Variants in ADA observed in about 807,000 individuals in gnomAD.
The protein encoded by ADA is adenosine aminohydrolase.
A neutral mutation model predicts 49.0 loss-of-function variants in ADA; 45 were observed. The observed-to-expected ratio is 0.92, with a 90% CI of 0.72 to 1.18. ADA has a LOEUF of 1.18. Ranked by LOEUF, ADA falls within the 50% of genes most tolerant of loss-of-function variation. ADA has a pLI of 0.00. For synonymous variants in ADA, 173 were observed against 184.2 expected, an observed-to-expected ratio of 0.94 and a Z score of 0.49; for missense variants, 445 against 472.5, an observed-to-expected ratio of 0.94 and a Z score of 0.54.
intron 1 of ADA, among the ~76,000 whole-genome samples, chr20:44,642,527 T>C (rs994647456): frequency 2.0e-5 from 3 of 152,122 alleles, no homozygotes; most frequent in African/African-American, 7.2e-5. Context: ...GCTTAGTGTC[T>C]GAATCAGGAA....
rs757628030 is a variant in ADA at position 44,636,307 on chromosome 20, A to AAG, written c.34-21_34-20dup. 1.3e-6 allele frequency: 2 copies of AAG among 1,567,566 alleles called. No homozygotes were observed. The highest frequency in any genetic ancestry group is 1.1e-5 in the South Asian group (1 of 87,696). ...GTTCCACCTGCAAGGGGGCAGGGGG[A>AAG]AGAGAGAGAGAAAGGGAGAGAGAGA... On this transcript the variant is annotated intron_variant, in intron 1 of 11. Transcript: ENST00000372874.
intron 1 of ADA, among the ~76,000 whole-genome samples, chr20:44,649,699 A>G (rs1049983606): frequency 2.0e-5 from 3 of 150,104 alleles, no homozygotes; most frequent in African/African-American, 4.9e-5. Flanking sequence ...TGTTCTCTCC[A>G]TAACTCCCAA....
intron 2 of ADA, among the ~76,000 whole-genome samples, chr20:44,634,203 C>T (rs1011495423): frequency 4.8e-4 from 73 of 152,354 alleles, no homozygotes; most frequent in Admixed American, 4.6e-3. Context: ...TCTTGGTGCC[C>T]CACTGAACGA....
Position 44,622,950 on chromosome 20 carries a change from A to G in ADA, c.679-20T>C. 1 of 1,614,208 alleles carries G rather than the reference A, an allele frequency of 6.2e-7. No homozygotes were observed. Among genetic ancestry groups the G allele is most frequent in the South Asian group, 1.1e-5 (1 of 91,088 alleles). ...CACAGCCTGTAGAGAAGCAGAATAG[A>G]GCCAAGTATGGGAGGAGGCAGTGAG... On this transcript the variant is annotated intron_variant, in intron 7 of 11. Transcript: ENST00000372874.
intron 6 of ADA, 176 bp downstream of exon 6, chr20:44,624,026 A>G (rs1251924274): frequency 3.4e-6 from 3 of 881,704 alleles, no homozygotes; most frequent in Non-Finnish European, 5.2e-6. Flanking sequence ...GATCACAGGC[A>G]TGAACCACCA....
chr20:44,647,116 G>A (rs1600950090), intron 1 of ADA, among the ~76,000 whole-genome samples: 1 of 152,086 alleles, frequency 6.6e-6, no homozygotes, highest in African/African-American at 2.4e-5. Context: ...ATTCCCCTCT[G>A]CATCAGAGAG....
intron 1 of ADA, among the ~76,000 whole-genome samples, chr20:44,650,194 G>C (rs1175001256): frequency 2.0e-5 from 3 of 152,196 alleles, no homozygotes; most frequent in African/African-American, 7.2e-5. Flanking sequence ...GGCAGGGGTG[G>C]GGGTAGGAGG....
At chr20:44,645,916 TA>T (rs1453993393) in intron 1 of ADA, among the ~76,000 whole-genome samples, 1 of 152,150 alleles carries the variant, frequency 6.6e-6, no homozygotes, top group Non-Finnish European at 1.5e-5. Context: ...GTGCAGAGGT[TA>T]TCCCCCACAA....
chr20:44,648,244 G>T (rs764966148), intron 1 of ADA, among the ~76,000 whole-genome samples: 1 of 152,050 alleles, frequency 6.6e-6, no homozygotes, highest in African/African-American at 2.4e-5. Context: ...TGCCCAGCAG[G>T]TGCTAAGTCA....
rs1321058509 is a variant in ADA at position 44,636,258 on chromosome 20, T to A, written c.64A>T (p.Ile22Phe). 1 of 1,610,236 alleles carries A rather than the reference T, an allele frequency of 6.2e-7. No individual in the cohort carries two copies. ...VELHVHLDGS[I>F]KPETILYYGR... ...TAGTATAAGATGGTTTCAGGCTTGA[T>A]GGATCCGTCTAGGTGGACATGCAGT... The change falls in exon 2 of 12, where the codon ATC becomes TTC. Residue 22 changes from isoleucine to phenylalanine, a missense_variant. Coordinates refer to ENST00000372874, the MANE Select transcript of ADA (RefSeq NM_000022.4).
intron 2 of ADA, among the ~76,000 whole-genome samples, chr20:44,635,155 G>A (rs1018418770): frequency 2.0e-5 from 3 of 152,206 alleles, no homozygotes; most frequent in Non-Finnish European, 4.4e-5. Flanking sequence ...CCTAAGAGAG[G>A]AGCTGCTGTG....
rs1276062920 is a variant in ADA at position 44,649,849 on chromosome 20, C to T, written c.33+1726G>A. ...CTCCTGGGTTTATGCCATTCTCCTG[C>T]CTCAGCCTTCTGCGTAGCTGGGACT... On this transcript the variant is annotated intron_variant, in intron 1 of 11. Transcript: ENST00000372874. Among the ~76,000 whole-genome samples, 3 of 151,414 alleles carry T rather than the reference C, an allele frequency of 2.0e-5. No individual in the cohort carries two copies. The East Asian group carries it at 5.8e-4, about 29-fold the overall frequency.
At chr20:44,626,705 C>T (rs1199851727) in intron 3 of ADA, 106 bp from the exon 4 acceptor site, 1 of 1,416,684 alleles carries the variant, frequency 7.1e-7, no homozygotes, top group Admixed American at 1.8e-5. Context: ...CACTTCATCC[C>T]CCAGACCCAA....
intron 1 of ADA, among the ~76,000 whole-genome samples, chr20:44,640,723 A>G (rs1401628365): frequency 6.6e-6 from 1 of 151,986 alleles, no homozygotes; most frequent in Non-Finnish European, 1.5e-5. Context: ...ATGTCTTGAC[A>G]GGAAGAGTTT....
intron 1 of ADA, among the ~76,000 whole-genome samples, chr20:44,636,680 T>C (rs1351251849): frequency 6.6e-6 from 1 of 152,196 alleles, no homozygotes; most frequent in Non-Finnish European, 1.5e-5. Context: ...AAGCTTGTGC[T>C]CCAGGTCACG....
At chr20:44,630,378 T>C (rs2065422886) in intron 2 of ADA, among the ~76,000 whole-genome samples, 1 of 149,004 alleles carries the variant, frequency 6.7e-6, no homozygotes, top group Non-Finnish European at 1.5e-5. Flanking sequence ...GAAATGCTTC[T>C]AACATGAGGG....
intron 2 of ADA, among the ~76,000 whole-genome samples, chr20:44,631,845 A>T (rs2065436345): frequency 6.6e-6 from 1 of 152,088 alleles, no homozygotes; most frequent in Non-Finnish European, 1.5e-5. Context: ...AGTGACCAAG[A>T]CAGACCCATG....
intron 1 of ADA, among the ~76,000 whole-genome samples, chr20:44,643,957 G>T (rs1420525475): frequency 6.6e-6 from 1 of 151,904 alleles, no homozygotes; most frequent in East Asian, 2.0e-4. Context: ...ACTTACCCAA[G>T]GTCACTCAGT....
intron 1 of ADA, among the ~76,000 whole-genome samples, chr20:44,640,664 C>T (rs2065523890): frequency 1.6e-5 from 1 of 62,296 alleles, no homozygotes; most frequent in African/African-American, 3.6e-5. Flanking sequence ...AAAACTCCAC[C>T]TCAAAAAAAA....
Sources: allele counts gnomAD v4.1 joint callset (sites outside exome capture counted in the v4.1 genomes callset), GRCh38; gene constraint gnomAD v4.1.1; transcripts MANE v1.5; gene names NCBI Gene and HGNC (gene_info 2026-07-23, HGNC 2026-07-21).